Variants in GSK3B observed in about 807,000 individuals in gnomAD.
GSK3B encodes the protein glycogen synthase kinase-3 beta.
In GSK3B, 15 loss-of-function variants were observed where a neutral mutation model predicts 56.4. The ratio of observed to expected loss-of-function variants is 0.27; its 90% CI spans 0.18 to 0.41. The LOEUF (loss-of-function observed/expected upper bound fraction) is 0.41. Among genes scored for constraint, GSK3B ranks in the 10% least tolerant of loss-of-function variants. The probability of loss-of-function intolerance (pLI) is 1.00; values close to 1 mark genes in which losing one functional copy is unlikely to be tolerated. For missense variants in GSK3B, 300 were observed against 513.4 expected (o/e 0.58, Z 4.02); for synonymous variants, 181 against 188.9 (o/e 0.96, Z 0.34).
Position 120,093,987 on chromosome 3 carries a change from G to A in GSK3B, c.-553C>T, listed in dbSNP as rs1377423999. 11 of 213,630 alleles carry A rather than the reference G, an allele frequency of 5.1e-5. No individual in the cohort carries two copies. Among genetic ancestry groups the A allele is most frequent in the East Asian group, 6.9e-5 (1 of 14,420 alleles). 13.2% of individuals were successfully genotyped at this position (213,630 alleles called of 1,614,324 possible). On this transcript the variant is annotated 5_prime_UTR_variant, in exon 1 of 11. Transcript: ENST00000264235. ...AAGCCGCGGGATCCGGCGGGCTGAC[G>A]GCAGGGGCCCGGCGAACTAGAGGGC...
intron 7 of GSK3B, among the ~76,000 whole-genome samples, chr3:119,900,049 G>C (rs1269756363): frequency 6.6e-6 from 1 of 151,958 alleles, no homozygotes; most frequent in Non-Finnish European, 1.5e-5. Context: ...TAGATATCTA[G>C]GTTGGTTAAT....
chr3:119,873,237 T>C (rs2056269547), intron 8 of GSK3B, among the ~76,000 whole-genome samples: 1 of 152,160 alleles, frequency 6.6e-6, no homozygotes, highest in African/African-American at 2.4e-5. Context: ...ATCATCTCAG[T>C]GTTATTTTTC....
intron 3 of GSK3B, among the ~76,000 whole-genome samples, chr3:119,930,676 C>T (rs999736588): frequency 4.6e-5 from 7 of 152,154 alleles, no homozygotes; most frequent in Non-Finnish European, 8.8e-5. Context: ...CCAGATCAAA[C>T]TTGACAGTAA....
intron 3 of GSK3B, among the ~76,000 whole-genome samples, chr3:119,931,954 T>A (rs1268241080): frequency 6.6e-6 from 1 of 152,166 alleles, no homozygotes; most frequent in African/African-American, 2.4e-5. Context: ...TTCTATGAAC[T>A]CCACATTAAA....
At chr3:119,955,441 T>C (rs1392694081) in intron 2 of GSK3B, among the ~76,000 whole-genome samples, 1 of 152,160 alleles carries the variant, frequency 6.6e-6, no homozygotes, top group Non-Finnish European at 1.5e-5. Context: ...TTTTACAGTC[T>C]AATGGGTGAG....
intron 1 of GSK3B, among the ~76,000 whole-genome samples, chr3:120,031,727 T>C (rs2057977653): frequency 6.6e-6 from 1 of 152,218 alleles, no homozygotes; most frequent in Non-Finnish European, 1.5e-5. Context: ...CTATACTCTT[T>C]CCACTACTTC....
At chr3:119,878,671 A>G (rs2056342817) in intron 7 of GSK3B, among the ~76,000 whole-genome samples, 1 of 152,222 alleles carries the variant, frequency 6.6e-6, no homozygotes, top group Non-Finnish European at 1.5e-5. Flanking sequence ...TATGCATAGC[A>G]TATTTTTTTT....
intron 1 of GSK3B, among the ~76,000 whole-genome samples, chr3:120,010,049 T>C (rs1021015912): frequency 2.0e-5 from 3 of 152,102 alleles, no homozygotes; most frequent in African/African-American, 7.2e-5. Flanking sequence ...AGAACTCAAA[T>C]CTTGTCAGCA....
In GSK3B at chr3:120,024,456, A is replaced by G. The variant is rs550342859; in HGVS notation, c.89-22217T>C. ...CAGTCTACACACATACAGCCTAGTT[A>G]ACTACTAATTTTCTATTTTTTCAGC... On this transcript the variant is annotated intron_variant, in intron 1 of 10. Transcript: ENST00000264235. 5.9e-5 allele frequency among the ~76,000 whole-genome samples: 9 copies of G among 152,308 alleles called. No homozygotes were observed. In the East Asian group the frequency reaches 1.3e-3, roughly 23 times the overall value.
At chr3:119,864,169 G>C (rs1030599521) in intron 8 of GSK3B, among the ~76,000 whole-genome samples, 1 of 152,058 alleles carries the variant, frequency 6.6e-6, no homozygotes, top group Non-Finnish European at 1.5e-5. Context: ...AAAATGTCCT[G>C]CATTTTTTTT....
intron 1 of GSK3B, among the ~76,000 whole-genome samples, chr3:120,088,637 C>A (rs892988370): frequency 1.3e-5 from 2 of 152,118 alleles, no homozygotes; most frequent in Non-Finnish European, 2.9e-5. Context: ...CACCACCCCA[C>A]ACACACACAC....
At chr3:119,852,739 A>C (rs557602959) in intron 9 of GSK3B, among the ~76,000 whole-genome samples, 10 of 152,326 alleles carry the variant, frequency 6.6e-5, no homozygotes, top group Non-Finnish European at 1.2e-4. Context: ...GCATTTAAAA[A>C]TAATACTGCT....
intron 9 of GSK3B, among the ~76,000 whole-genome samples, chr3:119,858,328 G>C (rs1285704447): frequency 1.6e-4 from 24 of 152,224 alleles, no homozygotes; most frequent in Non-Finnish European, 2.9e-4. Flanking sequence ...CTGTTGGTTA[G>C]TGTAGCTATG....
intron 2 of GSK3B, among the ~76,000 whole-genome samples, chr3:119,981,950 C>A (rs929874521): frequency 3.3e-5 from 5 of 152,230 alleles, no homozygotes; most frequent in Admixed American, 3.3e-4. Flanking sequence ...TAGGGGCCAA[C>A]AGACACCTCA....
intron 1 of GSK3B, among the ~76,000 whole-genome samples, chr3:120,079,464 G>A (rs769705145): frequency 6.6e-6 from 1 of 151,380 alleles, no homozygotes; most frequent in Non-Finnish European, 1.5e-5. Flanking sequence ...GTGCAGTATC[G>A]GCTCATTGCA....
intron 9 of GSK3B, among the ~76,000 whole-genome samples, chr3:119,856,495 A>T (rs2056025070): frequency 6.6e-6 from 1 of 152,218 alleles, no homozygotes; most frequent in Non-Finnish European, 1.5e-5. Context: ...CAAAACAATA[A>T]AAATTCTTAT....
intron 1 of GSK3B, among the ~76,000 whole-genome samples, chr3:120,056,434 G>A (rs1285309081): frequency 1.3e-5 from 2 of 152,210 alleles, no homozygotes; most frequent in African/African-American, 2.4e-5. Context: ...CCACCTTCCA[G>A]GTTCAAGTGA....
chr3:119,855,109 G>A (rs1431662366), intron 9 of GSK3B, among the ~76,000 whole-genome samples: 2 of 152,056 alleles, frequency 1.3e-5, no homozygotes, highest in Non-Finnish European at 2.9e-5. Context: ...CAGAGATTCT[G>A]GTATGTTGTG....
At chr3:119,925,146 T>A (rs1436242041) in intron 3 of GSK3B, among the ~76,000 whole-genome samples, 1 of 152,068 alleles carries the variant, frequency 6.6e-6, no homozygotes, top group Non-Finnish European at 1.5e-5. Context: ...CTGGGCAACA[T>A]GGCAAAACCC....
Sources: gnomAD v4.1 joint callset for allele counts (sites outside exome capture counted in the v4.1 genomes callset) on GRCh38, gnomAD v4.1.1 for gene constraint, MANE v1.5 for transcripts, NCBI Gene and HGNC (gene_info 2026-07-23, HGNC 2026-07-21) for gene names.